ADAMTSL2: variants seen among roughly 807,000 people sequenced by gnomAD.
The protein encoded by ADAMTSL2 is ADAMTS like 2, also known as ADAMTS-like protein 2.
A neutral mutation model predicts 117.0 loss-of-function variants in ADAMTSL2; 55 were observed. That is an observed-to-expected ratio of 0.47 (90% CI 0.38 to 0.59). The LOEUF (loss-of-function observed/expected upper bound fraction) is 0.59, where lower values mean the gene tolerates loss of function less well. ADAMTSL2 is among the 20% of genes least tolerant of loss of function. The pLI, the probability that ADAMTSL2 is intolerant of heterozygous loss-of-function variation, is 0.00. For synonymous variants in ADAMTSL2, 572 were observed against 566.4 expected, an observed-to-expected ratio of 1.01 and a Z score of -0.14; for missense variants, 1,182 against 1,354.5, an observed-to-expected ratio of 0.87 and a Z score of 2.00.
chr9:133,541,930 A>G (rs1830234328), intron 7 of ADAMTSL2, among the ~76,000 whole-genome samples: 1 of 152,214 alleles, frequency 6.6e-6, no homozygotes. Flanking sequence ...TGTTTGAGGA[A>G]TGGAACTGGG....
At chr9:133,564,541 G>A (rs1203661530) in intron 12 of ADAMTSL2, among the ~76,000 whole-genome samples, 18 of 48,774 alleles carry the variant, frequency 3.7e-4, no homozygotes, top group East Asian at 1.5e-3. Context: ...AGACAGAGAG[G>A]GAGAGAGGGA....
intron 4 of ADAMTSL2, 125 bp from the exon 5 acceptor site, chr9:133,539,644 GGC>G: frequency 1.3e-5 from 1 of 77,542 alleles, no homozygotes; most frequent in Non-Finnish European, 2.4e-5. Flanking sequence ...CGTGGGCCGT[GGC>G]CCCCGCACGG....
At position 133,539,860 on chromosome 9, in the gene ADAMTSL2, G is replaced by A. The variant is rs1376353126; in HGVS notation, c.399G>A (p.Lys133=). 1 of 1,550,992 alleles carries A rather than the reference G, an allele frequency of 6.4e-7. No individual in the cohort carries two copies. Among genetic ancestry groups the A allele is most frequent in the East Asian group, 2.4e-5 (1 of 40,922 alleles). ...HVYNGRTHQW[K]PLYPDDYVHI... ...ACAACGGGCGGACGCACCAGTGGAAGCCTCTGTACCCGGGTACCTGCCGCC... is the reference window on the plus strand; with the variant it reads ...ACAACGGGCGGACGCACCAGTGGAAACCTCTGTACCCGGGTACCTGCCGCC... The change falls in exon 5 of 19, where the codon AAG becomes AAA. Residue 133 remains lysine, a synonymous_variant. Coordinates refer to ENST00000651351, the MANE Select transcript of ADAMTSL2 (RefSeq NM_014694.4).
upstream of ADAMTSL2, chr9:133,532,634 G>T (rs1168140171): frequency 6.6e-6 from 1 of 152,302 alleles, no homozygotes; most frequent in Non-Finnish European, 1.5e-5. Flanking sequence ...TTTGCAGGCC[G>T]AAGAGGGATC....
In ADAMTSL2 at chr9:133,538,432, C is replaced by T; in HGVS notation, c.309+8C>T. ...CAGCTCTGCAGAGTGCAGGTGAGGCCCGGCCCGGGCAGGGGCACCATGGCC... is the reference window on the plus strand; with the variant it reads ...CAGCTCTGCAGAGTGCAGGTGAGGCTCGGCCCGGGCAGGGGCACCATGGCC... On this transcript the variant is annotated splice_region_variant and intron_variant, in intron 4 of 18. Coordinates refer to ENST00000651351, the MANE Select transcript of ADAMTSL2 (RefSeq NM_014694.4). The T allele has an allele frequency of 2.5e-6, 4 of 1,612,796 alleles. No homozygotes were observed. Among genetic ancestry groups the T allele is most frequent in the Non-Finnish European group, 3.4e-6 (4 of 1,179,790 alleles).
chr9:133,550,164 G>A (rs1011276544), intron 9 of ADAMTSL2, among the ~76,000 whole-genome samples: 2 of 152,246 alleles, frequency 1.3e-5, no homozygotes, highest in Admixed American at 6.5e-5. Flanking sequence ...GAGATGGGTC[G>A]GCTTGCCCTG....
chr9:133,554,359 G>A lies in ADAMTSL2; in HGVS notation c.942G>A (p.Val314=). The change falls in exon 10 of 19, where the codon GTG becomes GTA. Residue 314 remains valine, a splice_region_variant and synonymous_variant. Coordinates refer to ENST00000651351, the MANE Select transcript of ADAMTSL2 (RefSeq NM_014694.4). This position sits in a 1 kb window ranked among gnomAD's most constrained non-coding sequence, Gnocchi z 5.2. ...GPTNQGLNVM[V]WNQNGKSPSI... is the part of the protein sequence containing the mutation. ...GGGACCCACTTCTCTTTCCCTAGGT[G>A]TGGAACCAGAACGGCAAAAGCCCCT... is the stretch of plus-strand genomic sequence containing the variant. 6.5e-7 allele frequency: 1 copy of A among 1,550,332 alleles called. No individual in the cohort carries two copies. Among genetic ancestry groups the A allele is most frequent in the Non-Finnish European group, 8.7e-7 (1 of 1,152,378 alleles).
intron 18 of ADAMTSL2, 124 bp downstream of exon 18, chr9:133,574,111 G>C: frequency 7.6e-7 from 1 of 1,322,946 alleles, no homozygotes; most frequent in Non-Finnish European, 1.0e-6. Context: ...CAGCTTGAGA[G>C]ACCAAGCTGT....
chr9:133,540,191 G>A lies in ADAMTSL2; in HGVS notation c.412+318G>A, dbSNP rs188090813. Reference sequence around the variant, plus strand: ...GGAACCAGCCTAGACGATCCCAAACGGAGACTGCCCACACGGTCCCATGGA... The same window carrying A: ...GGAACCAGCCTAGACGATCCCAAACAGAGACTGCCCACACGGTCCCATGGA... On this transcript the variant is annotated intron_variant, in intron 5 of 18. Coordinates refer to ENST00000651351, the MANE Select transcript of ADAMTSL2 (RefSeq NM_014694.4). Among the ~76,000 whole-genome samples the A allele has an allele frequency of 3.7e-3, 562 of 152,316 alleles. 2 individuals are homozygous for A. The highest frequency in any genetic ancestry group is 0.013 in the African/African-American group (521 of 41,556).
At chr9:133,545,377 T>G (rs1830324315) in intron 8 of ADAMTSL2, among the ~76,000 whole-genome samples, 1 of 152,204 alleles carries the variant, frequency 6.6e-6, no homozygotes, top group Non-Finnish European at 1.5e-5. Context: ...GAGCCAGAAC[T>G]GGTGGGGTGA....
At chr9:133,564,633 A>AGAGAGAGAGGGAGAGAGG (rs1564179004) in intron 12 of ADAMTSL2, among the ~76,000 whole-genome samples, 1 of 53,516 alleles carries the variant, frequency 1.9e-5, no homozygotes, top group Non-Finnish European at 4.3e-5. Flanking sequence ...AGGGAGAGAG[A>AGAGAGAGAGGGAGAGAGG]GAGAGAGGGA....
At chr9:133,540,089 A>T (rs1220185462) in intron 5 of ADAMTSL2, among the ~76,000 whole-genome samples, 1 of 152,116 alleles carries the variant, frequency 6.6e-6, no homozygotes, top group Non-Finnish European at 1.5e-5. Flanking sequence ...AGATTACGGG[A>T]CTGAGTTCCC....
intron 9 of ADAMTSL2, among the ~76,000 whole-genome samples, chr9:133,553,400 C>T (rs995237691): frequency 2.0e-5 from 3 of 152,152 alleles, no homozygotes; most frequent in Admixed American, 6.5e-5. Flanking sequence ...TCTGCGGCTG[C>T]GCAGACCCTC....
At position 133,540,075 on chromosome 9, in the gene ADAMTSL2, G is replaced by A. The variant is rs576948424; in HGVS notation, c.412+202G>A. The stretch of plus-strand genomic sequence containing the variant: ...CCCCATGACCCATGACATCAACGCA[G>A]GACAGATTACGGGACTGAGTTCCCT... On this transcript the variant is annotated intron_variant, in intron 5 of 18. Coordinates refer to ENST00000651351, the MANE Select transcript of ADAMTSL2 (RefSeq NM_014694.4). 3.3e-5 allele frequency among the ~76,000 whole-genome samples: 5 copies of A among 152,298 alleles called. No individual in the cohort carries two copies. The East Asian group carries it at 9.7e-4, about 29-fold the overall frequency.
chr9:133,550,935 C>T (rs1830468090), intron 9 of ADAMTSL2, among the ~76,000 whole-genome samples: 1 of 152,150 alleles, frequency 6.6e-6, no homozygotes, highest in Admixed American at 6.5e-5. Flanking sequence ...GGAAGACCTC[C>T]ATCCTTTATG....
In ADAMTSL2 at chr9:133,540,696, T is replaced by C; in HGVS notation, c.511T>C (p.Cys171Arg). ...LMVPARDGTS[C>R]KLTDLRGVCV... ...GGTCCCCGCCCGCGACGGCACATCC[T>C]GCAAGCTCACTGACCTGCGAGGGGT... is the stretch of plus-strand genomic sequence containing the variant. Residue 171 changes from cysteine (C) to arginine (R), a missense_variant, in exon 6 of 19, where the codon TGC becomes CGC. Physicochemically the swap from Cys to Arg is radical, Grantham distance 180. Around this residue, in one of 3 missense-constraint regions of ADAMTSL2, gnomAD observed 372 missense variants for 463.4 expected, o/e 0.80. Coordinates refer to ENST00000651351, the MANE Select transcript of ADAMTSL2 (RefSeq NM_014694.4). 6.2e-7 allele frequency: 1 copy of C among 1,613,874 alleles called. No homozygotes were observed. The highest frequency in any genetic ancestry group is 8.5e-7 in the Non-Finnish European group (1 of 1,180,042).
chr9:133,547,315 C>A, intron 9 of ADAMTSL2, 102 bp downstream of exon 9: 1 of 1,238,862 alleles, frequency 8.1e-7, no homozygotes, highest in Non-Finnish European at 1.1e-6. Flanking sequence ...CCCCCAGGGC[C>A]ACTGTGCGCG....
At position 133,539,209 on chromosome 9, in the gene ADAMTSL2, G is replaced by A. The variant is rs1408563788; in HGVS notation, c.310-562G>A. On this transcript the variant is annotated intron_variant, in intron 4 of 18. Coordinates refer to ENST00000651351, the MANE Select transcript of ADAMTSL2 (RefSeq NM_014694.4). Reference sequence around the variant, plus strand: ...GGCAGTGCAGCCAGGGTTGGGGGAGGGGCATTTATGAGCTCCAGCATGAGA... The same window carrying A: ...GGCAGTGCAGCCAGGGTTGGGGGAGAGGCATTTATGAGCTCCAGCATGAGA... Among the ~76,000 whole-genome samples, 5 of 152,300 alleles carry A rather than the reference G, an allele frequency of 3.3e-5. No homozygotes were observed. The South Asian group carries it at 6.2e-4, about 19-fold the overall frequency.
chr9:133,547,155 A>G lies in ADAMTSL2; in HGVS notation c.881A>G (p.Glu294Gly), dbSNP rs767085168. Residue 294 changes from glutamate to glycine, a missense_variant, in exon 9 of 19, where the codon GAG (glutamate) becomes GGG (glycine). This residue lies in a region of ADAMTSL2 where 372 missense variants were observed against 463.4 expected (regional missense o/e 0.80). Transcript: ENST00000651351. ...TACAGGCGGCCCATGGATGTCTATG[A>G]GACCGGAATCGAGTACATCGTGGCA... is the stretch of plus-strand genomic sequence containing the variant. ...VKYRRPMDVY[E>G]TGIEYIVAQG... is the part of the protein sequence containing the mutation. The G allele has an allele frequency of 1.2e-6, 2 of 1,614,160 alleles. No individual in the cohort carries two copies. Among genetic ancestry groups the G allele is most frequent in the Admixed American group, 3.3e-5 (2 of 60,032 alleles).
Sources: gnomAD v4.1 joint callset for allele counts (sites outside exome capture counted in the v4.1 genomes callset) on GRCh38, gnomAD v4.1.1 for gene constraint, gnomAD v4.1.1 regional missense constraint, Gnocchi (gnomAD v3.1) non-coding constraint, MANE v1.5 for transcripts, NCBI Gene and HGNC (gene_info 2026-07-23, HGNC 2026-07-21) for gene names.